Variants in EIF4B observed in about 807,000 individuals in gnomAD.
EIF4B encodes the protein eukaryotic translation initiation factor 4B.
A neutral mutation model predicts 79.3 loss-of-function variants in EIF4B; 8 were observed. The observed-to-expected ratio is 0.10, with a 90% CI of 0.06 to 0.18. EIF4B has a LOEUF of 0.18. Ranked by LOEUF, EIF4B falls within the 10% of genes least tolerant of loss-of-function variation. EIF4B has a pLI of 1.00. For synonymous variants in EIF4B, 238 were observed against 274.7 expected, an observed-to-expected ratio of 0.87 and a Z score of 1.32; for missense variants, 515 against 792.4, an observed-to-expected ratio of 0.65 and a Z score of 4.20.
At chr12:53,022,455 TGAGATAACTTAC>T in intron 5 of EIF4B, 26 bp from the exon 6 acceptor site, 2 of 1,592,228 alleles carry the variant, frequency 1.3e-6, no homozygotes, top group Non-Finnish European at 1.7e-6. Flanking sequence ...AAAGTTTTTA[TGAGATAACTTAC>T]GGTTTTTGTT....
chr12:53,014,412 C>CAA (rs367885369), intron 1 of EIF4B, among the ~76,000 whole-genome samples: 3 of 64,140 alleles, frequency 4.7e-5, no homozygotes, highest in African/African-American at 5.7e-5. Flanking sequence ...GACTCCGTCT[C>CAA]AAAAAAAAAA....
rs993039236 is a variant in EIF4B, at chr12:53,039,493, G to A, written c.1683-137G>A. On this transcript the variant is annotated intron_variant, in intron 13 of 14. Transcript: ENST00000262056. The stretch of plus-strand genomic sequence containing the variant: ...AGACAGTTAAGATTCTGAAAATCTA[G>A]AAGTAATACATCATCCAGACAACAA... 86 of 1,264,514 alleles carry A rather than the reference G, an allele frequency of 6.8e-5. 1 individual carries two copies. The African/African-American group carries it at 1.1e-3, about 16-fold the overall frequency. The allele number at this position is 1,264,514 out of a possible 1,614,324, so 78.3% of individuals were successfully genotyped here. A position where few individuals can be genotyped will look rare whatever the true frequency, so the allele number is the denominator to read the frequency against.
At position 53,028,175 on chromosome 12, in the gene EIF4B, G is replaced by C; in HGVS notation, c.966G>C (p.Arg322Ser). The change falls in exon 8 of 15, where the codon AGG becomes AGC. Residue 322 changes from arginine (R) to serine (S), a missense_variant. Arg to Ser is a moderately radical substitution (Grantham distance 110). Transcript: ENST00000262056. The stretch of plus-strand genomic sequence containing the variant: ...ATGATTACTCTCGGGATGATTATAG[G>C]CGTGATGATAGAGGTAATAGTTTTC... The part of the protein sequence containing the change: ...SRDDYSRDDY[R>S]RDDRGPPQRP... The C allele has an allele frequency of 6.3e-7, 1 of 1,596,578 alleles. No individual in the cohort carries two copies. The highest frequency in any genetic ancestry group is 8.5e-7 in the Non-Finnish European group (1 of 1,174,132).
Position 53,028,638 on chromosome 12 carries a change from CAGAT to C in EIF4B, c.979+455_979+458del, listed in dbSNP as rs978168082. Among the ~76,000 whole-genome samples, 21 of 150,704 alleles carry C rather than the reference CAGAT, an allele frequency of 1.4e-4. No individual in the cohort carries two copies. In the East Asian group the frequency reaches 3.5e-3, roughly 25 times the overall value. Reference sequence around the variant, plus strand: ...ATTGTTTTCATCTCATATGCCTTCACAGATAGATTTTTCAGTTAAAATTTATTGA... The same window carrying C: ...ATTGTTTTCATCTCATATGCCTTCACAGATTTTTCAGTTAAAATTTATTGA... On this transcript the variant is annotated intron_variant, in intron 8 of 14. Coordinates refer to ENST00000262056, the MANE Select transcript of EIF4B (RefSeq NM_001417.7).
intron 6 of EIF4B, among the ~76,000 whole-genome samples, chr12:53,023,279 C>T (rs1467348015): frequency 6.6e-6 from 1 of 152,228 alleles, no homozygotes; most frequent in African/African-American, 2.4e-5. Context: ...GTCGCCCAGG[C>T]TGGAGTGCAG....
At chr12:53,008,949 C>A (rs780952635) in intron 1 of EIF4B, among the ~76,000 whole-genome samples, 1 of 152,056 alleles carries the variant, frequency 6.6e-6, no homozygotes, top group Admixed American at 6.6e-5. Flanking sequence ...GCAGGAGAAT[C>A]GCTTCAATCT....
intron 6 of EIF4B, among the ~76,000 whole-genome samples, chr12:53,023,232 G>GAT (rs1032626123): frequency 1.3e-4 from 20 of 151,878 alleles, no homozygotes; most frequent in South Asian, 4.2e-4. Context: ...ATTACTTTTT[G>GAT]ATATATATAT....
At chr12:53,021,925 C>G in intron 5 of EIF4B, 65 bp downstream of exon 5, 6 of 1,600,484 alleles carry the variant, frequency 3.7e-6, no homozygotes, top group Admixed American at 1.7e-5. Context: ...CCATCCTTTC[C>G]CAGAAAATTT....
At chr12:53,040,014 C>G in intron 14 of EIF4B, 129 bp from the exon 15 acceptor site, 1 of 1,048,690 alleles carries the variant, frequency 9.5e-7, no homozygotes, top group Non-Finnish European at 1.4e-6. Context: ...ATGGACAATG[C>G]TGATGAGCAA....
At chr12:53,039,494 A>G (rs570004920) in intron 13 of EIF4B, 136 bp from the exon 14 acceptor site, 1 of 1,265,314 alleles carries the variant, frequency 7.9e-7, no homozygotes, top group Non-Finnish European at 1.1e-6. Context: ...GAAAATCTAG[A>G]AGTAATACAT....
intron 1 of EIF4B, among the ~76,000 whole-genome samples, chr12:53,006,817 G>C (rs1942968804): frequency 6.6e-6 from 1 of 152,026 alleles, no homozygotes; most frequent in African/African-American, 2.4e-5. Flanking sequence ...TTTCGTAGAC[G>C]TGAATCACCG....
intron 8 of EIF4B, among the ~76,000 whole-genome samples, chr12:53,029,771 C>T (rs1943403170): frequency 6.6e-6 from 1 of 152,088 alleles, no homozygotes. Context: ...AAAGGAAAAT[C>T]GATCTGGACA....
At chr12:53,016,676 T>C in intron 2 of EIF4B, 66 bp downstream of exon 2, 6 of 1,503,632 alleles carry the variant, frequency 4.0e-6, no homozygotes, top group Non-Finnish European at 5.3e-6. Context: ...TATTACATAA[T>C]AATTCACATC....
In EIF4B at chr12:53,022,586, A is replaced by G. The variant is rs1398992478; in HGVS notation, c.626A>G (p.Asp209Gly). Reference protein sequence around the residue: ...WRARPATDSFDDYPPRRGDDS... With the variant: ...WRARPATDSFGDYPPRRGDDS... Reference sequence around the variant, plus strand: ...GCTCGTCCTGCTACAGACAGCTTTGATGACTACCCACCTAGAAGAGGTGAT... The same window carrying G: ...GCTCGTCCTGCTACAGACAGCTTTGGTGACTACCCACCTAGAAGAGGTGAT... The change falls in exon 6 of 15, where the codon GAT (aspartate) becomes GGT (glycine). Residue 209 changes from aspartate (D) to glycine (G), a missense_variant. Coordinates refer to ENST00000262056, the MANE Select transcript of EIF4B (RefSeq NM_001417.7). 1 of 1,613,952 alleles carries G rather than the reference A, an allele frequency of 6.2e-7. No homozygotes were observed. Among genetic ancestry groups the G allele is most frequent in the East Asian group, 2.2e-5 (1 of 44,890 alleles).
intron 14 of EIF4B, chr12:53,039,917 T>G: frequency 1.4e-6 from 1 of 732,812 alleles, no homozygotes; most frequent in East Asian, 2.7e-5. Flanking sequence ...CTTCCTTTGT[T>G]CTCATCCCTT....
intron 2 of EIF4B, among the ~76,000 whole-genome samples, chr12:53,018,473 C>T (rs1943182867): frequency 1.3e-5 from 2 of 152,120 alleles, no homozygotes; most frequent in South Asian, 4.1e-4. Context: ...GTTTGCTTTT[C>T]TGTAGAATGG....
intron 1 of EIF4B, 141 bp downstream of exon 1, chr12:53,006,637 C>T: frequency 6.8e-7 from 1 of 1,465,640 alleles, no homozygotes; most frequent in Non-Finnish European, 9.3e-7. Flanking sequence ...GCGGCGTGGC[C>T]CTGTTAGGTT....
chr12:53,019,294 G>A (rs939898327), intron 3 of EIF4B, among the ~76,000 whole-genome samples: 6 of 151,990 alleles, frequency 3.9e-5, no homozygotes, highest in Admixed American at 6.6e-5. Context: ...AGCTACTTGG[G>A]AGGCTGAGGT....
At chr12:53,027,238 A>G (rs1341207728) in intron 6 of EIF4B, among the ~76,000 whole-genome samples, 1 of 146,314 alleles carries the variant, frequency 6.8e-6, no homozygotes, top group Non-Finnish European at 1.5e-5. Context: ...GGTTCACACC[A>G]TTCTCTTGTC....
Sources: gnomAD v4.1 joint callset for allele counts (sites outside exome capture counted in the v4.1 genomes callset) on GRCh38, gnomAD v4.1.1 for gene constraint, MANE v1.5 for transcripts, NCBI Gene and HGNC (gene_info 2026-07-23, HGNC 2026-07-21) for gene names.